The following PIK3C2G variants were observed in gnomAD, a reference collection of about 807,000 sequenced individuals.
The protein encoded by PIK3C2G is phosphatidylinositol 3-kinase C2 domain-containing subunit gamma.
In PIK3C2G, 168 loss-of-function variants were observed where a neutral mutation model predicts 181.1. That is an observed-to-expected ratio of 0.93 (90% CI 0.82 to 1.05). The LOEUF (loss-of-function observed/expected upper bound fraction) is 1.05. Among genes scored for constraint, PIK3C2G ranks in the 50% least tolerant of loss-of-function variants. PIK3C2G has a pLI of 0.00. For missense variants in PIK3C2G, 1,869 were observed against 1,732.8 expected (o/e 1.08, Z -1.40); for synonymous variants, 573 against 592.2 (o/e 0.97, Z 0.47).
chr12:18,650,343 ATATATGTGTG>A (rs1267626439), downstream of PIK3C2G, among the ~76,000 whole-genome samples: 18 of 131,600 alleles, frequency 1.4e-4, no homozygotes, highest in African/African-American at 5.8e-4. Context: ...ATATATATAT[ATATATGTGTG>A]TGTGTGTGTG....
chr12:18,292,227 A>AAAAAAAAAAAAATATATATAT, intron 4 of PIK3C2G, among the ~76,000 whole-genome samples: 2 of 48,732 alleles, frequency 4.1e-5, no homozygotes, highest in African/African-American at 1.1e-4. Context: ...AAAAAAAAAA[A>AAAAAAAAAAAAATATATATAT]ATATATATAT....
At chr12:18,284,857 A>G (rs1353159976) in intron 2 of PIK3C2G, among the ~76,000 whole-genome samples, 1 of 152,162 alleles carries the variant, frequency 6.6e-6, no homozygotes, top group African/African-American at 2.4e-5. Context: ...GATCACATAA[A>G]CATGAGCAGG....
chr12:18,360,231 C>CT (rs1941114395), intron 11 of PIK3C2G, among the ~76,000 whole-genome samples: 1 of 151,964 alleles, frequency 6.6e-6, no homozygotes, highest in African/African-American at 2.4e-5. Context: ...CCTTCTTTAA[C>CT]CTTTTAACTA....
At chr12:18,321,469 C>T (rs778373866) in intron 7 of PIK3C2G, among the ~76,000 whole-genome samples, 1 of 152,132 alleles carries the variant, frequency 6.6e-6, no homozygotes, top group Non-Finnish European at 1.5e-5. Context: ...ACTTGATTGA[C>T]AACAAATGAA....
the PIK3C2G span, among the ~76,000 whole-genome samples, chr12:18,721,952 A>G: frequency 2.0e-5 from 3 of 151,976 alleles, no homozygotes; most frequent in Non-Finnish European, 4.4e-5. Context: ...ATAAGAACCT[A>G]TATGGTTTGA....
intron 26 of PIK3C2G, among the ~76,000 whole-genome samples, chr12:18,561,608 C>T (rs954354594): frequency 1.3e-5 from 2 of 151,536 alleles, no homozygotes; most frequent in Non-Finnish European, 2.9e-5. Flanking sequence ...GAAAAGGGAA[C>T]GAACAGTATG....
intron 5 of PIK3C2G, among the ~76,000 whole-genome samples, chr12:18,313,550 G>A (rs1950727778): frequency 6.6e-6 from 1 of 151,698 alleles, no homozygotes; most frequent in South Asian, 2.1e-4. Context: ...AGACATAATG[G>A]CATCAGTTAG....
intron 12 of PIK3C2G, 195 bp downstream of exon 12, chr12:18,363,081 C>G: frequency 2.3e-6 from 1 of 436,634 alleles, no homozygotes; most frequent in South Asian, 3.8e-5. Flanking sequence ...ATTTAGAAAC[C>G]TAGACAAGTG....
chr12:18,552,307 T>C (rs1056854260), intron 26 of PIK3C2G, among the ~76,000 whole-genome samples: 1 of 152,146 alleles, frequency 6.6e-6, no homozygotes, highest in Non-Finnish European at 1.5e-5. Flanking sequence ...TCTTAAAACA[T>C]AGTTCAATGA....
intron 1 of PIK3C2G, among the ~76,000 whole-genome samples, chr12:18,271,972 T>A (rs1948763630): frequency 6.6e-6 from 1 of 152,122 alleles, no homozygotes. Flanking sequence ...TCACCTCCCA[T>A]GTCTAGAAAT....
At chr12:18,654,362 C>T in the PIK3C2G span, among the ~76,000 whole-genome samples, 3 of 151,124 alleles carry the variant, frequency 2.0e-5, no homozygotes, top group African/African-American at 7.3e-5. Flanking sequence ...TAATGATTTC[C>T]TGGAAAGACT....
In PIK3C2G at chr12:18,379,587, T is replaced by C. The variant is rs560126341; in HGVS notation, c.1881-2179T>C. Among the ~76,000 whole-genome samples, 12 of 152,222 alleles carry C rather than the reference T, an allele frequency of 7.9e-5. No homozygotes were observed. The South Asian group carries it at 2.5e-3, about 32-fold the overall frequency. On this transcript the variant is annotated intron_variant, in intron 13 of 32. Transcript: ENST00000538779. ...CTTCCTAAGAGGGGAAAAGGATATA[T>C]AAGAAAAGGAGAAAACAAAATCATA...
At chr12:18,296,464 A>G (rs1158519934) in intron 5 of PIK3C2G, among the ~76,000 whole-genome samples, 1 of 152,070 alleles carries the variant, frequency 6.6e-6, no homozygotes, top group East Asian at 1.9e-4. Flanking sequence ...GTAATGACTT[A>G]AGAACTTAGA....
rs191611008 is a variant in PIK3C2G at position 18,515,277 on chromosome 12, T to A, written c.3323+9816T>A. ...TGGAATGATTCTCCGCTTTTTTCTATTTTTGGAAGAGTTTGGTAAGAATTT... is the reference window on the plus strand; with the variant it reads ...TGGAATGATTCTCCGCTTTTTTCTAATTTTGGAAGAGTTTGGTAAGAATTT... On this transcript the variant is annotated intron_variant, in intron 24 of 32. Coordinates refer to ENST00000538779, the MANE Select transcript of PIK3C2G (RefSeq NM_001288772.2). Among the ~76,000 whole-genome samples the A allele has an allele frequency of 2.0e-5, 3 of 152,110 alleles. No homozygotes were observed. The East Asian group carries it at 5.8e-4, about 29-fold the overall frequency.
At chr12:18,653,924 T>C in the PIK3C2G span, among the ~76,000 whole-genome samples, 2 of 152,132 alleles carry the variant, frequency 1.3e-5, no homozygotes, top group Non-Finnish European at 2.9e-5. Flanking sequence ...TTTAAAGGAC[T>C]ATACCTGTCA....
At position 18,549,745 on chromosome 12, in the gene PIK3C2G, C is replaced by T. The variant is rs377675399; in HGVS notation, c.3590+3313C>T. The stretch of plus-strand genomic sequence containing the variant: ...GAATACCTCAAGCATCAGCAGAGAA[C>T]AGAAGTTCCTTTCTGGAACTGCTAT... On this transcript the variant is annotated intron_variant, in intron 26 of 32. Transcript: ENST00000538779. 7.2e-5 allele frequency among the ~76,000 whole-genome samples: 11 copies of T among 152,166 alleles called. No individual in the cohort carries two copies. In the East Asian group the frequency reaches 7.8e-4, roughly 11 times the overall value.
At chr12:18,348,628 G>A (rs185687153) in intron 11 of PIK3C2G, among the ~76,000 whole-genome samples, 33 of 152,202 alleles carry the variant, frequency 2.2e-4, no homozygotes, top group African/African-American at 6.5e-4. Flanking sequence ...CTGTCTTAAG[G>A]AATCCATGGA....
chr12:18,456,715 T>C (rs1193335048), intron 18 of PIK3C2G, among the ~76,000 whole-genome samples: 1 of 152,188 alleles, frequency 6.6e-6, no homozygotes, highest in Admixed American at 6.5e-5. Flanking sequence ...GGCACAGTTG[T>C]TGGCATTCAC....
intron 26 of PIK3C2G, among the ~76,000 whole-genome samples, chr12:18,553,502 C>T (rs182199101): frequency 6.6e-6 from 1 of 152,188 alleles, no homozygotes; most frequent in Admixed American, 6.6e-5. Flanking sequence ...GAGCCTAAAA[C>T]TCTTGTTTGA....
Sources: allele counts gnomAD v4.1 joint callset (sites outside exome capture counted in the v4.1 genomes callset), GRCh38; gene constraint gnomAD v4.1.1; transcripts MANE v1.5; gene names NCBI Gene and HGNC (gene_info 2026-07-23, HGNC 2026-07-21).